Variants in NCOR2 observed in about 807,000 individuals in gnomAD.
NCOR2 encodes the protein CTG repeat protein 26.
NCOR2 carries 81 observed loss-of-function variants against 262.9 expected under a neutral mutation model. The ratio of observed to expected loss-of-function variants is 0.31; its 90% confidence interval spans 0.26 to 0.37. The LOEUF is 0.37. Among genes scored for constraint, NCOR2 ranks in the 10% least tolerant of loss-of-function variants. NCOR2 has a pLI of 1.00. For missense variants in NCOR2, 3,385 were observed against 3,621.4 expected, an observed-to-expected ratio of 0.93 and a Z score of 1.68; for synonymous variants, 1,659 against 1,559.3, an observed-to-expected ratio of 1.06 and a Z score of -1.51.
intron 4 of NCOR2, among the ~76,000 whole-genome samples, chr12:124,471,731 A>G (rs2046843262): frequency 6.6e-6 from 1 of 152,086 alleles, no homozygotes; most frequent in African/African-American, 2.4e-5. Context: ...ACACCTGGCT[A>G]ATGTTTTAAA....
At chr12:124,327,345 G>T in intron 45 of NCOR2, 64 bp downstream of exon 47, 1 of 1,293,796 alleles carries the variant, frequency 7.7e-7, no homozygotes, top group East Asian at 2.5e-5. Flanking sequence ...GAGCGCGGAG[G>T]AGCGAGGATT....
intron 3 of NCOR2, 121 bp from the exon 6 acceptor site, chr12:124,473,252 G>A (rs2046919439): frequency 1.8e-5 from 21 of 1,195,814 alleles, no homozygotes; most frequent in Middle Eastern, 5.7e-4. Flanking sequence ...ATTGATCCTC[G>A]GTATGTCTGT....
exon 33 of NCOR2, chr12:124,343,074 G>C (rs1178595113): frequency 7.4e-6 from 12 of 1,612,368 alleles, no homozygotes; most frequent in African/African-American, 1.3e-5. Context: ...CTGCGATACA[G>C]GTCCACGCCA....
intron 1 of NCOR2, among the ~76,000 whole-genome samples, chr12:124,542,003 C>T (rs1226657291): frequency 6.6e-6 from 1 of 151,514 alleles, no homozygotes; most frequent in African/African-American, 2.4e-5. Flanking sequence ...CAGTGGAACA[C>T]ATAACTGAGT....
At chr12:124,388,757 G>A (rs550017617) in intron 16 of NCOR2, 135 of 1,304,120 alleles carry the variant, frequency 1.0e-4, no homozygotes, top group Non-Finnish European at 1.2e-4. Context: ...CCCAGGGAGC[G>A]GGCCGAAGTG....
rs2051655189 is a variant in NCOR2 at position 124,549,776 on chromosome 12, T to G, written c.-164-14165A>C. ...CCCCTCAAGATAACCTTATCACGTT[T>G]CACGGAGGGAGAGAGGGCGGCAGGA... On this transcript the variant is annotated intron_variant, in intron 1 of 32. Coordinates refer to the NCOR2 transcript ENST00000458234. The surrounding 1 kb of genome is among the most constrained non-coding windows in gnomAD (Gnocchi z 4.4). 6.6e-6 allele frequency among the ~76,000 whole-genome samples: 1 copy of G among 152,118 alleles called. No homozygotes were observed. The highest frequency in any genetic ancestry group is 2.1e-4 in the South Asian group (1 of 4,830).
At position 124,454,500 on chromosome 12, in the gene NCOR2, G is replaced by A. The variant is rs1023350455; in HGVS notation, c.762+2606C>T. Among the ~76,000 whole-genome samples the A allele has an allele frequency of 3.3e-5, 5 of 152,226 alleles. No individual in the cohort carries two copies. The East Asian group carries it at 7.7e-4, about 24-fold the overall frequency. On this transcript the variant is annotated intron_variant, in intron 6 of 46. Coordinates refer to ENST00000405201, the Ensembl canonical transcript of NCOR2. This position sits in a 1 kb window ranked among gnomAD's most constrained non-coding sequence, Gnocchi z 5.6. ...CCCCCATCTGCCCACAGACTCCCAC[G>A]GACAGGGGCTTCCTCGCCTGTGTTC...
intron 5 of NCOR2, among the ~76,000 whole-genome samples, chr12:124,465,597 G>A (rs1411030178): frequency 6.6e-6 from 1 of 152,212 alleles, no homozygotes; most frequent in African/African-American, 2.4e-5. Context: ...CCCAGTGTCA[G>A]TGGAAGCCAG....
At chr12:124,456,954 G>T (rs2045905962) in intron 6 of NCOR2, 152 bp downstream of exon 8, 3 of 447,330 alleles carry the variant, frequency 6.7e-6, no homozygotes, top group Non-Finnish European at 1.1e-5. Context: ...CTCTCATCAG[G>T]AAGGTGGGTT....
intron 7 of NCOR2, among the ~76,000 whole-genome samples, chr12:124,438,391 G>A (rs2044498681): frequency 2.0e-5 from 3 of 152,256 alleles, no homozygotes; most frequent in South Asian, 2.1e-4. Context: ...ACCTGCTGCC[G>A]CCCACAGGCC....
chr12:124,355,034 G>A, intron 24 of NCOR2, 95 bp from the exon 27 acceptor site: 1 of 1,048,652 alleles, frequency 9.5e-7, no homozygotes, highest in Non-Finnish European at 1.4e-6. Context: ...CCCACGTGTG[G>A]GTCAGAGGCT....
At chr12:124,544,101 G>A (rs2051467300) in intron 1 of NCOR2, among the ~76,000 whole-genome samples, 1 of 152,182 alleles carries the variant, frequency 6.6e-6, no homozygotes, top group South Asian at 2.1e-4. Flanking sequence ...CCTGCCCGGG[G>A]AGCCCCAGCG....
At chr12:124,342,167 G>A (rs921268419) in intron 33 of NCOR2, 93 bp from the exon 36 acceptor site, 69 of 1,415,894 alleles carry the variant, frequency 4.9e-5, no homozygotes, top group South Asian at 2.4e-4. Flanking sequence ...TTCTGCACCC[G>A]GACAGCTTCT....
At chr12:124,447,089 A>G (rs1055847045) in intron 7 of NCOR2, among the ~76,000 whole-genome samples, 1 of 152,076 alleles carries the variant, frequency 6.6e-6, no homozygotes, top group African/African-American at 2.4e-5. Context: ...TAATTTTTGT[A>G]TTTTTAGTAG....
chr12:124,371,149 GA>G (rs1377694845), intron 20 of NCOR2, among the ~76,000 whole-genome samples: 3 of 152,164 alleles, frequency 2.0e-5, no homozygotes, highest in Non-Finnish European at 2.9e-5. Context: ...TCACTGCCCT[GA>G]GAACAAAATG....
intron 7 of NCOR2, among the ~76,000 whole-genome samples, chr12:124,442,813 A>T (rs2044894980): frequency 6.6e-6 from 1 of 152,180 alleles, no homozygotes; most frequent in Non-Finnish European, 1.5e-5. Flanking sequence ...GCAAGTTAGA[A>T]TGAGGTTACT....
At chr12:124,475,913 C>T (rs2047079121) in intron 3 of NCOR2, among the ~76,000 whole-genome samples, 1 of 152,248 alleles carries the variant, frequency 6.6e-6, no homozygotes, top group Middle Eastern at 3.2e-3. Flanking sequence ...CATCCGTTCA[C>T]CCCACAGAAC....
rs780330009 is a variant in NCOR2 at position 124,419,918 on chromosome 12, G to A, written c.1482+39C>T. ...AAGCAAGTGGCCGCTGAGCATGCAG[G>A]GAGCCTGCAAGGACAGTCACCCCCA... On this transcript the variant is annotated intron_variant, in intron 13 of 46. Transcript: ENST00000405201. 2.5e-5 allele frequency: 39 copies of A among 1,574,738 alleles called. 1 individual carries two copies. The highest frequency in any genetic ancestry group is 3.1e-5 in the Non-Finnish European group (35 of 1,145,386).
upstream of NCOR2, among the ~76,000 whole-genome samples, chr12:124,540,237 C>A (rs1317248581): frequency 6.7e-6 from 1 of 148,822 alleles, no homozygotes; most frequent in African/African-American, 2.5e-5. Context: ...GCAGGGAGGG[C>A]AGGGAGGGCC....
Sources: gnomAD v4.1 joint callset for allele counts (sites outside exome capture counted in the v4.1 genomes callset) on GRCh38, gnomAD v4.1.1 for gene constraint, Gnocchi (gnomAD v3.1) non-coding constraint, MANE v1.5 for transcripts, NCBI Gene and HGNC (gene_info 2026-07-23, HGNC 2026-07-21) for gene names.